The following MCF2L2 variants were observed in gnomAD, a reference collection of about 807,000 sequenced individuals.
MCF2L2 encodes MCF.2 cell line derived transforming sequence-like 2.
Under a neutral mutation model 150.2 loss-of-function variants are expected in MCF2L2, and 102 were observed. That is an observed-to-expected ratio of 0.68 (90% CI 0.58 to 0.80). MCF2L2 has a LOEUF of 0.80. Among genes scored for constraint, MCF2L2 ranks in the 30% least tolerant of loss-of-function variants. The pLI is 0.00. For missense variants in MCF2L2, 1,256 were observed against 1,372.8 expected, an observed-to-expected ratio of 0.91 and a Z score of 1.34; for synonymous variants, 465 against 491.3, an observed-to-expected ratio of 0.95 and a Z score of 0.71.
At chr3:183,233,412 G>GTA (rs530943436) in intron 15 of MCF2L2, among the ~76,000 whole-genome samples, 100 of 151,066 alleles carry the variant, frequency 6.6e-4, no homozygotes, top group East Asian at 3.9e-3. Context: ...GTGTGTGTGT[G>GTA]TATATATATA....
intron 1 of MCF2L2, among the ~76,000 whole-genome samples, chr3:183,424,302 CAAAG>C (rs1429230986): frequency 2.6e-5 from 4 of 152,048 alleles, no homozygotes; most frequent in African/African-American, 9.7e-5. Context: ...GGACAAAATC[CAAAG>C]AAAGAGGCCC....
At chr3:183,214,920 G>C (rs1304192796) in intron 22 of MCF2L2, among the ~76,000 whole-genome samples, 1 of 152,062 alleles carries the variant, frequency 6.6e-6, no homozygotes, top group African/African-American at 2.4e-5. Context: ...GCTTGAACCT[G>C]GCGGGCAGAG....
At chr3:183,180,211 C>T (rs766816399) in intron 27 of MCF2L2, 52 bp from the exon 28 acceptor site, 18 of 1,187,336 alleles carry the variant, frequency 1.5e-5, no homozygotes, top group Non-Finnish European at 2.3e-5. Flanking sequence ...GAGGACATCC[C>T]CTCTGCCCAT....
intron 15 of MCF2L2, chr3:183,272,836 A>G (rs191025704): frequency 6.4e-6 from 8 of 1,240,436 alleles, no homozygotes; most frequent in East Asian, 7.1e-5. Context: ...GGTTGAAAAC[A>G]TAAGTGTCTC....
intron 8 of MCF2L2, 114 bp downstream of exon 8, chr3:183,311,534 C>T: frequency 8.6e-7 from 1 of 1,165,938 alleles, no homozygotes; most frequent in Non-Finnish European, 1.2e-6. Context: ...TATTCTTCTT[C>T]CTTGGCCCCA....
chr3:183,203,742 A>C (rs1023685444), intron 25 of MCF2L2, among the ~76,000 whole-genome samples: 1 of 152,264 alleles, frequency 6.6e-6, no homozygotes, highest in Non-Finnish European at 1.5e-5. Flanking sequence ...GAAAGTCTAT[A>C]AACTCCAAGA....
Position 183,207,786 on chromosome 3 carries a change from C to T in MCF2L2, c.2534G>A (p.Gly845Asp). Residue 845 changes from glycine (G) to aspartate (D), a missense_variant, in exon 23 of 30, where the codon GGC becomes GAC. Coordinates refer to ENST00000328913, the MANE Select transcript of MCF2L2 (RefSeq NM_015078.4). Reference sequence around the variant, plus strand: ...GTGAATTGTCCAGACGCTGAAAGGGCCGTGCAGCAACAGCTTGCCTAGTTT... The same window carrying T: ...GTGAATTGTCCAGACGCTGAAAGGGTCGTGCAGCAACAGCTTGCCTAGTTT... Reference protein sequence around the residue: ...IGKLGKLLLHGPFSVWTIHKD... With the variant: ...IGKLGKLLLHDPFSVWTIHKD... 6.2e-7 allele frequency: 1 copy of T among 1,614,204 alleles called. No individual in the cohort carries two copies. Among genetic ancestry groups the T allele is most frequent in the South Asian group, 1.1e-5 (1 of 91,088 alleles).
At chr3:183,200,552 A>C (rs986260300) in intron 25 of MCF2L2, among the ~76,000 whole-genome samples, 15 of 152,102 alleles carry the variant, frequency 9.9e-5, no homozygotes, top group African/African-American at 2.9e-4. Flanking sequence ...GATTGTAAAC[A>C]TTTTCTCCCA....
intron 2 of MCF2L2, among the ~76,000 whole-genome samples, chr3:183,384,553 G>T (rs1287724690): frequency 1.3e-5 from 2 of 151,690 alleles, no homozygotes; most frequent in African/African-American, 4.9e-5. Flanking sequence ...CCCAGGAACT[G>T]ACTAAGCACA....
intron 5 of MCF2L2, among the ~76,000 whole-genome samples, chr3:183,338,505 C>T (rs536063031): frequency 6.6e-6 from 1 of 151,696 alleles, no homozygotes; most frequent in East Asian, 1.9e-4. Context: ...TCCCCACTGT[C>T]TACTGAATAA....
At position 183,179,177 on chromosome 3, in the gene MCF2L2, G is replaced by T; in HGVS notation, c.*203C>A. ...TCGCCTCTGCAGGCGCCTTAGAGCAGCTCCGAGGTCCCCCGTGCGGAGCTA... is the reference window on the plus strand; with the variant it reads ...TCGCCTCTGCAGGCGCCTTAGAGCATCTCCGAGGTCCCCCGTGCGGAGCTA... On this transcript the variant is annotated 3_prime_UTR_variant, in exon 30 of 30. Coordinates refer to ENST00000328913, the MANE Select transcript of MCF2L2 (RefSeq NM_015078.4). The surrounding 1 kb of genome is among the most constrained non-coding windows in gnomAD (Gnocchi z 4.2). The T allele has an allele frequency of 1.6e-6, 1 of 628,094 alleles. No individual in the cohort carries two copies. The highest frequency in any genetic ancestry group is 1.9e-5 in the African/African-American group (1 of 51,870). The allele number at this position is 628,094 out of a possible 1,614,324, so 38.9% of individuals were successfully genotyped here.
Position 183,295,280 on chromosome 3 carries a change from C to T in MCF2L2, c.1675+20G>A, listed in dbSNP as rs4456885. 1 of 1,586,742 alleles carries T rather than the reference C, an allele frequency of 6.3e-7. No individual in the cohort carries two copies. The highest frequency in any genetic ancestry group is 2.2e-5 in the East Asian group (1 of 44,604). On this transcript the variant is annotated intron_variant, in intron 13 of 29. Transcript: ENST00000328913. ...ATGAAACACAAAAGCCACAAAGCTT[C>T]TTTTCCTCAAATAACCTACCCGAGG...
intron 25 of MCF2L2, among the ~76,000 whole-genome samples, chr3:183,196,657 A>C (rs1039838947): frequency 6.6e-6 from 1 of 152,144 alleles, no homozygotes; most frequent in Admixed American, 6.5e-5. Flanking sequence ...GAGACATTTC[A>C]TCAGAGCCTA....
At chr3:183,384,692 A>AT (rs1713732582) in intron 2 of MCF2L2, among the ~76,000 whole-genome samples, 1 of 152,168 alleles carries the variant, frequency 6.6e-6, no homozygotes, top group Non-Finnish European at 1.5e-5. Flanking sequence ...GACTGATTTG[A>AT]GTAATAACAA....
chr3:183,317,418 T>C (rs1013840486), intron 7 of MCF2L2, among the ~76,000 whole-genome samples: 1 of 152,054 alleles, frequency 6.6e-6, no homozygotes, highest in Non-Finnish European at 1.5e-5. Flanking sequence ...CCCGGGAAGA[T>C]TTCCCTGTAC....
At position 183,180,170 on chromosome 3, in the gene MCF2L2, G is replaced by C. The variant is rs1307414272; in HGVS notation, c.3017-11C>G. The C allele has an allele frequency of 6.3e-6, 10 of 1,580,570 alleles. No homozygotes were observed. The African/African-American group carries it at 8.1e-5, about 13-fold the overall frequency. On this transcript the variant is annotated splice_polypyrimidine_tract_variant and intron_variant, in intron 27 of 29. Transcript: ENST00000328913. ...CCCTGCTGGAGCAGCCTTAGGGAGA[G>C]AAAGGGAAGGATGGGGCCTCTGTGG...
intron 22 of MCF2L2, among the ~76,000 whole-genome samples, chr3:183,213,384 C>T (rs1435001100): frequency 1.3e-5 from 2 of 151,668 alleles, no homozygotes; most frequent in Non-Finnish European, 2.9e-5. Context: ...TAATTGAGTA[C>T]ACAGAAAAAC....
chr3:183,295,479 T>C lies in MCF2L2; in HGVS notation c.1498-2A>G. On this transcript the variant is annotated splice_acceptor_variant, in intron 12 of 29. Coordinates refer to ENST00000328913, the MANE Select transcript of MCF2L2 (RefSeq NM_015078.4). LOFTEE classifies it high-confidence loss of function. Reference sequence around the variant, plus strand: ...CTGCAAAACTTTCTGGGCTTTGGCCTACAGTAACAAAAGCAAATCATGATG... The same window carrying C: ...CTGCAAAACTTTCTGGGCTTTGGCCCACAGTAACAAAAGCAAATCATGATG... 1.2e-6 allele frequency: 2 copies of C among 1,614,016 alleles called. No homozygotes were observed. The highest frequency in any genetic ancestry group is 1.7e-6 in the Non-Finnish European group (2 of 1,179,966).
At chr3:183,346,485 C>T (rs896347755) in intron 3 of MCF2L2, among the ~76,000 whole-genome samples, 4 of 152,178 alleles carry the variant, frequency 2.6e-5, no homozygotes, top group African/African-American at 9.6e-5. Flanking sequence ...GAAGCATTCC[C>T]TTTGAAAACT....
Sources: gnomAD v4.1 joint callset for allele counts (sites outside exome capture counted in the v4.1 genomes callset) on GRCh38, gnomAD v4.1.1 for gene constraint, Gnocchi (gnomAD v3.1) non-coding constraint, MANE v1.5 for transcripts, NCBI Gene and HGNC (gene_info 2026-07-23, HGNC 2026-07-21) for gene names.